ALDH1A2: variants seen among roughly 807,000 people sequenced by gnomAD.
ALDH1A2 encodes the protein retinal dehydrogenase 2.
A neutral mutation model predicts 60.3 loss-of-function variants in ALDH1A2; 27 were observed. The observed-to-expected ratio is 0.45, with a 90% CI of 0.33 to 0.62. The LOEUF (loss-of-function observed/expected upper bound fraction) is 0.62. Ranked by LOEUF, ALDH1A2 falls within the 20% of genes least tolerant of loss-of-function variation. ALDH1A2 has a pLI of 0.02. For synonymous variants in ALDH1A2, 289 were observed against 232.4 expected (o/e 1.24, Z -2.21); for missense variants, 581 against 643.8 (o/e 0.90, Z 1.06).
At chr15:57,970,783 G>A (rs1403795706) in intron 7 of ALDH1A2, among the ~76,000 whole-genome samples, 1 of 152,086 alleles carries the variant, frequency 6.6e-6, no homozygotes, top group Non-Finnish European at 1.5e-5. Flanking sequence ...AGTTAAAGAT[G>A]CCTGTGTCTT....
chr15:58,060,285 T>C (rs1200571972), intron 1 of ALDH1A2, among the ~76,000 whole-genome samples: 1 of 152,166 alleles, frequency 6.6e-6, no homozygotes, highest in Non-Finnish European at 1.5e-5. Context: ...TCTAAATATA[T>C]ATATAGTCAT....
chr15:57,986,525 A>C (rs184174605), intron 7 of ALDH1A2, among the ~76,000 whole-genome samples: 62 of 149,398 alleles, frequency 4.1e-4, no homozygotes, highest in Non-Finnish European at 6.4e-4. Flanking sequence ...GTTCAGCAAT[A>C]TAATGGTCAC....
At position 57,954,988 on chromosome 15, in the gene ALDH1A2, T is replaced by C. The variant is rs959721455; in HGVS notation, c.*209A>G. The C allele has an allele frequency of 1.6e-6, 1 of 615,304 alleles. No individual in the cohort carries two copies. The highest frequency in any genetic ancestry group is 2.8e-5 in the East Asian group (1 of 36,032). 38.1% of individuals were successfully genotyped at this position (615,304 alleles called of 1,614,324 possible). The stretch of plus-strand genomic sequence containing the variant: ...ATCCCACTTTCCCCAATATTTGGTA[T>C]GATTAAGGTGGCCCCTTACAGAGTG... On this transcript the variant is annotated 3_prime_UTR_variant, in exon 13 of 13. Transcript: ENST00000249750.
chr15:57,965,571 C>G (rs930486289), intron 8 of ALDH1A2, among the ~76,000 whole-genome samples, 154 bp downstream of exon 8: 9 of 152,200 alleles, frequency 5.9e-5, no homozygotes, highest in African/African-American at 2.2e-4. Flanking sequence ...AGTGCTCTTT[C>G]CCCATTATTA....
At chr15:57,981,141 T>A (rs1232479890) in intron 7 of ALDH1A2, among the ~76,000 whole-genome samples, 1 of 152,184 alleles carries the variant, frequency 6.6e-6, no homozygotes. Context: ...TGGTCTATCT[T>A]GTTTATCTTT....
At chr15:57,999,639 G>A (rs1175104263) in intron 4 of ALDH1A2, among the ~76,000 whole-genome samples, 3 of 151,974 alleles carry the variant, frequency 2.0e-5, no homozygotes, top group Non-Finnish European at 4.4e-5. Context: ...TTCAACCATT[G>A]TGGAAGACAG....
At chr15:58,053,978 C>T (rs533674655) in intron 1 of ALDH1A2, among the ~76,000 whole-genome samples, 5 of 152,094 alleles carry the variant, frequency 3.3e-5, no homozygotes, top group African/African-American at 9.7e-5. Flanking sequence ...TAGTATATGT[C>T]GCCAATTCAA....
intron 1 of ALDH1A2, among the ~76,000 whole-genome samples, chr15:58,054,437 G>A (rs1896847360): frequency 6.6e-6 from 1 of 152,006 alleles, no homozygotes. Flanking sequence ...CCTTTGTGTT[G>A]CTGAAACTCA....
chr15:58,026,229 T>A (rs1896076373), intron 1 of ALDH1A2, among the ~76,000 whole-genome samples: 1 of 152,100 alleles, frequency 6.6e-6, no homozygotes, highest in South Asian at 2.1e-4. Flanking sequence ...GATAACACAC[T>A]ATGATAAAGT....
At chr15:58,047,002 C>T (rs1343578188) in intron 1 of ALDH1A2, among the ~76,000 whole-genome samples, 2 of 152,000 alleles carry the variant, frequency 1.3e-5, no homozygotes, top group African/African-American at 2.4e-5. Context: ...CTTGCTTGGC[C>T]ACTTTTGCAA....
chr15:58,009,799 C>T lies in ALDH1A2; in HGVS notation c.493+850G>A, dbSNP rs1010662665. Among the ~76,000 whole-genome samples the T allele has an allele frequency of 3.3e-5, 5 of 152,022 alleles. No individual in the cohort carries two copies. The East Asian group carries it at 5.8e-4, about 18-fold the overall frequency. ...TGAATTAGGAAAACTAATTTTACTT[C>T]GCCAGACCTCTTTCCACTTTTGTAA... On this transcript the variant is annotated intron_variant, in intron 4 of 12. Transcript: ENST00000249750.
In ALDH1A2 at chr15:58,005,262, A is replaced by AC. The variant is rs1165796423; in HGVS notation, c.493+5386dup. On this transcript the variant is annotated intron_variant, in intron 4 of 12. Transcript: ENST00000249750. Reference sequence around the variant, plus strand: ...ACCACCCTCTCCAGGAAGCCTTAATACTAGGAGATGTCTCTCCTATGGTGT... The same window carrying AC: ...ACCACCCTCTCCAGGAAGCCTTAATACCTAGGAGATGTCTCTCCTATGGTGT... 2.6e-5 allele frequency among the ~76,000 whole-genome samples: 4 copies of AC among 152,014 alleles called. No individual in the cohort carries two copies. In the East Asian group the frequency reaches 7.7e-4, roughly 29 times the overall value.
chr15:58,035,165 T>G (rs1485305205), intron 1 of ALDH1A2, among the ~76,000 whole-genome samples: 1 of 151,658 alleles, frequency 6.6e-6, no homozygotes, highest in African/African-American at 2.4e-5. Flanking sequence ...CATATTTCTC[T>G]TTGAGTTTTG....
chr15:58,042,088 C>G (rs776414105), intron 1 of ALDH1A2, among the ~76,000 whole-genome samples: 2 of 151,866 alleles, frequency 1.3e-5, no homozygotes, highest in Non-Finnish European at 2.9e-5. Context: ...GTAGAAGTCC[C>G]AACCCCCTCT....
intron 5 of ALDH1A2, among the ~76,000 whole-genome samples, chr15:57,994,632 T>G (rs530433510): frequency 1.0e-3 from 155 of 152,310 alleles, no homozygotes; most frequent in African/African-American, 3.4e-3. Context: ...TGTAGTGCTG[T>G]GTCTTCTGTA....
intron 1 of ALDH1A2, among the ~76,000 whole-genome samples, chr15:58,050,421 T>TTTCAG (rs1325064844): frequency 1.1e-4 from 16 of 152,186 alleles, no homozygotes; most frequent in Admixed American, 6.5e-4. Flanking sequence ...GTAAATAAAA[T>TTTCAG]TTCAGTTTAA....
intron 7 of ALDH1A2, among the ~76,000 whole-genome samples, chr15:57,982,857 C>T (rs1385014424): frequency 6.6e-6 from 1 of 152,170 alleles, no homozygotes. Context: ...CTCACTAGAA[C>T]ACTGAGGCTA....
chr15:58,030,588 G>A (rs1896209985), intron 1 of ALDH1A2, among the ~76,000 whole-genome samples: 1 of 152,110 alleles, frequency 6.6e-6, no homozygotes, highest in Non-Finnish European at 1.5e-5. Context: ...TAGGAAAAGA[G>A]GAAGTCAAAT....
intron 1 of ALDH1A2, among the ~76,000 whole-genome samples, chr15:58,054,796 C>A (rs1488913904): frequency 3.3e-5 from 5 of 152,144 alleles, no homozygotes; most frequent in Non-Finnish European, 1.5e-5. Context: ...TTATTAAGGG[C>A]AGTGTGTGAC....
Sources: gnomAD v4.1 joint callset for allele counts (sites outside exome capture counted in the v4.1 genomes callset) on GRCh38, gnomAD v4.1.1 for gene constraint, MANE v1.5 for transcripts, NCBI Gene and HGNC (gene_info 2026-07-23, HGNC 2026-07-21) for gene names.